Variants in TTC29 observed in about 807,000 individuals in gnomAD.
TTC29 encodes tetratricopeptide repeat domain 29.
Under a neutral mutation model 58.1 loss-of-function variants are expected in TTC29, and 49 were observed. The ratio of observed to expected loss-of-function variants is 0.84; its 90% CI spans 0.67 to 1.07. TTC29 has a LOEUF of 1.07. Among genes scored for constraint, TTC29 ranks in the 50% least tolerant of loss-of-function variants. The probability of loss-of-function intolerance (pLI) is 0.00; values close to 1 mark genes in which losing one functional copy is unlikely to be tolerated. For missense variants in TTC29, 582 were observed against 555.6 expected (o/e 1.05, Z -0.48); for synonymous variants, 209 against 196.8 (o/e 1.06, Z -0.52).
chr4:146,758,684 G>GC (rs1746636724), intron 11 of TTC29, among the ~76,000 whole-genome samples: 1 of 151,992 alleles, frequency 6.6e-6, no homozygotes, highest in African/African-American at 2.4e-5. Context: ...AACTCCAAAA[G>GC]GAGTCTTCAA....
At chr4:146,797,604 T>G (rs1043826602) in intron 11 of TTC29, among the ~76,000 whole-genome samples, 14 of 142,588 alleles carry the variant, frequency 9.8e-5, no homozygotes, top group African/African-American at 2.7e-4. Flanking sequence ...ATCTTTCTGG[T>G]TTTTTTTGTT....
At chr4:146,765,491 G>A (rs527609084) in intron 11 of TTC29, among the ~76,000 whole-genome samples, 3 of 152,136 alleles carry the variant, frequency 2.0e-5, no homozygotes, top group East Asian at 1.9e-4. Flanking sequence ...ACGAGCCAAC[G>A]CGCTCAGCCC....
chr4:146,833,276 G>A (rs1728287028), intron 9 of TTC29, among the ~76,000 whole-genome samples: 1 of 152,068 alleles, frequency 6.6e-6, no homozygotes, highest in South Asian at 2.1e-4. Flanking sequence ...TATCTTCCAT[G>A]GAAAAACAGG....
At chr4:146,818,604 A>T (rs1381910029) in intron 10 of TTC29, among the ~76,000 whole-genome samples, 1 of 151,154 alleles carries the variant, frequency 6.6e-6, no homozygotes, top group Non-Finnish European at 1.5e-5. Flanking sequence ...AAAGGACTAT[A>T]AATCATGCTG....
intron 11 of TTC29, among the ~76,000 whole-genome samples, chr4:146,758,177 C>T (rs924948879): frequency 1.3e-5 from 2 of 152,190 alleles, no homozygotes; most frequent in African/African-American, 4.8e-5. Context: ...CAAAAGCAAG[C>T]AGGAGTAGCT....
In TTC29 at chr4:146,825,314, T is replaced by C. The variant is rs575127738; in HGVS notation, c.978-5066A>G. ...CTGTTATGTTGTCTCTTTGCTCTCA[T>C]TGGTTTCAAAGAACTTCTTAATCTC... On this transcript the variant is annotated intron_variant, in intron 9 of 12. Transcript: ENST00000325106. 9.8e-5 allele frequency among the ~76,000 whole-genome samples: 15 copies of C among 152,310 alleles called. No individual in the cohort carries two copies. The East Asian group carries it at 1.9e-3, about 20-fold the overall frequency.
chr4:146,919,216 A>G lies in TTC29; in HGVS notation c.177-9967T>C, dbSNP rs774940063. 4.0e-5 allele frequency among the ~76,000 whole-genome samples: 6 copies of G among 151,266 alleles called. No homozygotes were observed. The South Asian group carries it at 1.2e-3, about 31-fold the overall frequency. On this transcript the variant is annotated intron_variant, in intron 4 of 12. Transcript: ENST00000325106. ...AAGCCAGGATTACAACACGACTCCA[A>G]ACACCTTTGGCTAACTGCAGCAAAT...
At chr4:146,793,169 T>C (rs1376738509) in intron 11 of TTC29, among the ~76,000 whole-genome samples, 1 of 152,172 alleles carries the variant, frequency 6.6e-6, no homozygotes, top group Non-Finnish European at 1.5e-5. Context: ...GTGGTAGAGT[T>C]TGAGAGGTTT....
chr4:146,719,556 T>C (rs1031316467), intron 11 of TTC29, among the ~76,000 whole-genome samples: 1 of 152,196 alleles, frequency 6.6e-6, no homozygotes, highest in Non-Finnish European at 1.5e-5. Context: ...TATTTGACTT[T>C]GTGGCAAGAA....
chr4:146,759,124 C>T (rs1186965889), intron 11 of TTC29, among the ~76,000 whole-genome samples: 1 of 152,032 alleles, frequency 6.6e-6, no homozygotes, highest in Non-Finnish European at 1.5e-5. Flanking sequence ...CATATAATCT[C>T]ACTAAGAAAT....
intron 6 of TTC29, among the ~76,000 whole-genome samples, chr4:146,899,540 G>A (rs1401376037): frequency 1.3e-5 from 2 of 152,216 alleles, no homozygotes; most frequent in African/African-American, 4.8e-5. Context: ...TTGACCTGAA[G>A]AATGAGACTG....
intron 8 of TTC29, among the ~76,000 whole-genome samples, chr4:146,838,011 A>G (rs576388822): frequency 6.6e-6 from 1 of 152,124 alleles, no homozygotes; most frequent in South Asian, 2.1e-4. Context: ...TCATACACCT[A>G]ATAAGAATTG....
intron 11 of TTC29, among the ~76,000 whole-genome samples, chr4:146,742,699 C>G (rs1745253143): frequency 7.9e-6 from 1 of 126,534 alleles, no homozygotes; most frequent in Admixed American, 7.9e-5. Flanking sequence ...ACTCCTCCCC[C>G]TCCCCCCTTC....
intron 11 of TTC29, among the ~76,000 whole-genome samples, chr4:146,758,984 C>A (rs1449590663): frequency 2.6e-5 from 4 of 151,900 alleles, no homozygotes; most frequent in South Asian, 4.2e-4. Context: ...AAGGAAATAA[C>A]CAAGATCAGA....
At chr4:146,877,437 A>G (rs1357359429) in intron 6 of TTC29, among the ~76,000 whole-genome samples, 1 of 152,156 alleles carries the variant, frequency 6.6e-6, no homozygotes, top group Non-Finnish European at 1.5e-5. Context: ...CATGGCTCTA[A>G]TCTATCTTTA....
intron 6 of TTC29, among the ~76,000 whole-genome samples, chr4:146,895,298 A>G (rs1460151133): frequency 6.6e-6 from 1 of 152,202 alleles, no homozygotes; most frequent in Non-Finnish European, 1.5e-5. Context: ...GGACTGAACC[A>G]GGGAGCTCAC....
chr4:146,769,382 T>C (rs1176773831), intron 11 of TTC29, among the ~76,000 whole-genome samples: 2 of 152,000 alleles, frequency 1.3e-5, no homozygotes, highest in African/African-American at 4.8e-5. Flanking sequence ...TTTTAAAAAA[T>C]GGTTTCTCTC....
At chr4:146,873,114 C>T (rs1357145867) in intron 7 of TTC29, among the ~76,000 whole-genome samples, 2 of 152,092 alleles carry the variant, frequency 1.3e-5, no homozygotes, top group African/African-American at 4.8e-5. Flanking sequence ...CGTACCCTAA[C>T]AAAGGAATTG....
At position 146,759,693 on chromosome 4, in the gene TTC29, C is replaced by A. The variant is rs1746722961; in HGVS notation, c.1330+43764G>T. Among the ~76,000 whole-genome samples the A allele has an allele frequency of 2.0e-5, 3 of 152,046 alleles. No individual in the cohort carries two copies. The South Asian group carries it at 6.2e-4, about 31-fold the overall frequency. ...GAATTAAAAACAAAAATCACATGATCATTTCAATAGATGCAGAAAAAGCAT... is the reference window on the plus strand; with the variant it reads ...GAATTAAAAACAAAAATCACATGATAATTTCAATAGATGCAGAAAAAGCAT... On this transcript the variant is annotated intron_variant, in intron 11 of 12. Transcript: ENST00000325106.
Sources: allele counts gnomAD v4.1 joint callset (sites outside exome capture counted in the v4.1 genomes callset), GRCh38; gene constraint gnomAD v4.1.1; transcripts MANE v1.5; gene names NCBI Gene and HGNC (gene_info 2026-07-23, HGNC 2026-07-21).